Variants in CSTA observed in about 807,000 individuals in gnomAD.
CSTA encodes cystatin A.
CSTA carries 9 observed loss-of-function variants against 9.2 expected under a neutral mutation model. The ratio of observed to expected loss-of-function variants is 0.97; its 90% CI spans 0.59 to 1.70. The LOEUF (loss-of-function observed/expected upper bound fraction) is 1.70, where lower values mean the gene tolerates loss of function less well. CSTA is among the 40% of genes most tolerant of loss of function. The pLI, the probability that CSTA is intolerant of heterozygous loss-of-function variation, is 0.00. For missense variants in CSTA, 118 were observed against 113.1 expected, an observed-to-expected ratio of 1.04 and a Z score of -0.20; for synonymous variants, 36 against 40.6, an observed-to-expected ratio of 0.89 and a Z score of 0.43.
chr3:122,341,616 T>G lies in CSTA; in HGVS notation c.*49T>G. 6.2e-7 allele frequency: 1 copy of G among 1,605,640 alleles called. No homozygotes were observed. The highest frequency in any genetic ancestry group is 1.3e-5 in the African/African-American group (1 of 74,820). On this transcript the variant is annotated 3_prime_UTR_variant, in exon 3 of 3. Transcript: ENST00000264474. ...ATTCCTTCAACTGGCTACTGAGTCA[T>G]GATCCTTGCTGATAAATATAACCAT...
At chr3:122,330,707 C>G (rs1022866987) in intron 1 of CSTA, among the ~76,000 whole-genome samples, 1 of 152,162 alleles carries the variant, frequency 6.6e-6, no homozygotes, top group African/African-American at 2.4e-5. Flanking sequence ...GACAAGTTGT[C>G]AGGATGGAAA....
At chr3:122,338,054 T>C (rs1310654724) in intron 2 of CSTA, 1 of 160,896 alleles carries the variant, frequency 6.2e-6, no homozygotes, top group Non-Finnish European at 1.4e-5. Context: ...CTAAATTAAA[T>C]AAATTAAAGT....
intron 1 of CSTA, among the ~76,000 whole-genome samples, chr3:122,329,179 G>T (rs986141836): frequency 2.0e-5 from 3 of 151,692 alleles, no homozygotes; most frequent in African/African-American, 7.3e-5. Flanking sequence ...TGTTAGCCAG[G>T]ATGGTCTCGA....
Position 122,341,744 on chromosome 3 carries a change from G to T in CSTA, c.*177G>T. 1.3e-6 allele frequency: 1 copy of T among 753,082 alleles called. No homozygotes were observed. 46.6% of individuals were successfully genotyped at this position (753,082 alleles called of 1,614,324 possible). ...TTTCTTTCTCAAAATCAGTGTTATT[G>T]CTTTAGAGTATAAACTCCATATAAA... is the stretch of plus-strand genomic sequence containing the variant. On this transcript the variant is annotated 3_prime_UTR_variant, in exon 3 of 3. Transcript: ENST00000264474.
At chr3:122,325,977 G>A (rs191627016) in intron 1 of CSTA, among the ~76,000 whole-genome samples, 1 of 152,248 alleles carries the variant, frequency 6.6e-6, no homozygotes, top group African/African-American at 2.4e-5. Context: ...ACTCAATGTT[G>A]TTAGCAGATT....
intron 1 of CSTA, among the ~76,000 whole-genome samples, chr3:122,332,072 A>C (rs568225282): frequency 6.6e-6 from 1 of 152,214 alleles, no homozygotes; most frequent in African/African-American, 2.4e-5. Context: ...CATAATGCTC[A>C]CTGGCCCACT....
chr3:122,328,995 T>G (rs2075186679), intron 1 of CSTA, among the ~76,000 whole-genome samples: 4 of 150,366 alleles, frequency 2.7e-5, no homozygotes, highest in Non-Finnish European at 4.4e-5. Flanking sequence ...TGACGGAATC[T>G]CGCTCTGTCG....
chr3:122,341,571 C>G lies in CSTA; in HGVS notation c.*4C>G. ...TGACGAGCTGACGGGCTTTTAGCAG[C>G]ATGTACCCAAAGTGTTCTGATTCCT... On this transcript the variant is annotated 3_prime_UTR_variant, in exon 3 of 3. Coordinates refer to ENST00000264474, the MANE Select transcript of CSTA (RefSeq NM_005213.4). 1 of 1,614,116 alleles carries G rather than the reference C, an allele frequency of 6.2e-7. No individual in the cohort carries two copies. Among genetic ancestry groups the G allele is most frequent in the Non-Finnish European group, 8.5e-7 (1 of 1,179,988 alleles).
intron 1 of CSTA, among the ~76,000 whole-genome samples, chr3:122,329,778 A>T (rs1338611273): frequency 1.3e-5 from 2 of 152,346 alleles, no homozygotes; most frequent in Admixed American, 1.3e-4. Context: ...ACAATATCCA[A>T]TTAAGTGCTT....
chr3:122,340,265 C>T (rs1193747135), intron 2 of CSTA, among the ~76,000 whole-genome samples: 1 of 152,100 alleles, frequency 6.6e-6, no homozygotes, highest in Non-Finnish European at 1.5e-5. Flanking sequence ...CTGCTTCAAC[C>T]TTCCTACCAA....
intron 2 of CSTA, among the ~76,000 whole-genome samples, chr3:122,340,177 A>G (rs1373371725): frequency 6.6e-6 from 1 of 152,244 alleles, no homozygotes; most frequent in Non-Finnish European, 1.5e-5. Flanking sequence ...CAAAGCATTT[A>G]TTGTCTCCAG....
At chr3:122,330,451 A>G (rs924340732) in intron 1 of CSTA, among the ~76,000 whole-genome samples, 2 of 152,214 alleles carry the variant, frequency 1.3e-5, no homozygotes, top group African/African-American at 4.8e-5. Flanking sequence ...AAGGAATTTG[A>G]TATCACAGTG....
Position 122,325,283 on chromosome 3 carries a change from A to G in CSTA, c.-10A>G. On this transcript the variant is annotated 5_prime_UTR_variant, in exon 1 of 3. Transcript: ENST00000264474. The stretch of plus-strand genomic sequence containing the variant: ...CAGCATCCTGTCCAGCAAAGAAGCA[A>G]TCAGCCAAAATGATACCTGGAGGCT... 3 of 1,613,960 alleles carry G rather than the reference A, an allele frequency of 1.9e-6. No individual in the cohort carries two copies. Among genetic ancestry groups the G allele is most frequent in the South Asian group, 1.1e-5 (1 of 91,070 alleles).
At chr3:122,329,124 C>T (rs1370929679) in intron 1 of CSTA, among the ~76,000 whole-genome samples, 2 of 151,412 alleles carry the variant, frequency 1.3e-5, no homozygotes, top group South Asian at 2.1e-4. Flanking sequence ...CGCCACCATG[C>T]CTGGCTAATT....
rs2075267940 is a variant in CSTA at position 122,341,915 on chromosome 3, C to T, written c.*348C>T. ...CCTTGTTCCCTGTGGCTGCTGATAA[C>T]CCAACATTCCATCTCTACCCTCATA... On this transcript the variant is annotated 3_prime_UTR_variant, in exon 3 of 3. Transcript: ENST00000264474. The T allele has an allele frequency of 3.2e-6, 1 of 312,502 alleles. No individual in the cohort carries two copies. The highest frequency in any genetic ancestry group is 6.1e-6 in the Non-Finnish European group (1 of 163,500). The allele number at this position is 312,502 out of a possible 1,614,324, so 19.4% of individuals were successfully genotyped here. A position where few individuals can be genotyped will look rare whatever the true frequency, so the allele number is the denominator to read the frequency against.
Position 122,337,524 on chromosome 3 carries a change from G to A in CSTA, c.67-23G>A, listed in dbSNP as rs1478488635. On this transcript the variant is annotated intron_variant, in intron 1 of 2. Transcript: ENST00000264474. ...GAGTCTAATATAGCTTTGATTATTTGTTTCCTCTTTTCTTTTCTTTAGGTT... is the reference window on the plus strand; with the variant it reads ...GAGTCTAATATAGCTTTGATTATTTATTTCCTCTTTTCTTTTCTTTAGGTT... The A allele has an allele frequency of 2.6e-6, 4 of 1,514,934 alleles. No individual in the cohort carries two copies. The South Asian group carries it at 4.5e-5, about 17-fold the overall frequency. 93.8% of individuals were successfully genotyped at this position (1,514,934 alleles called of 1,614,324 possible).
Position 122,341,852 on chromosome 3 carries a change from T to C in CSTA, c.*285T>C, listed in dbSNP as rs1322922683. On this transcript the variant is annotated 3_prime_UTR_variant, in exon 3 of 3. Transcript: ENST00000264474. Reference sequence around the variant, plus strand: ...GATAGTACCACCCTCACCCCCACCATAGGCAGGCTGGATCGTGGACTATCA... The same window carrying C: ...GATAGTACCACCCTCACCCCCACCACAGGCAGGCTGGATCGTGGACTATCA... 5 of 388,362 alleles carry C rather than the reference T, an allele frequency of 1.3e-5. No homozygotes were observed. Among genetic ancestry groups the C allele is most frequent in the Non-Finnish European group, 2.4e-5 (5 of 206,824 alleles). The allele number at this position is 388,362 out of a possible 1,614,324, so 24.1% of individuals were successfully genotyped here.
chr3:122,335,190 A>G (rs1331806532), intron 1 of CSTA, among the ~76,000 whole-genome samples: 1 of 152,192 alleles, frequency 6.6e-6, no homozygotes, highest in Non-Finnish European at 1.5e-5. Flanking sequence ...GGGAATGCTG[A>G]CATTTAAACC....
At chr3:122,341,352 G>A (rs1438499822) in intron 2 of CSTA, 87 bp from the exon 3 acceptor site, 35 of 1,457,746 alleles carry the variant, frequency 2.4e-5, no homozygotes, top group Non-Finnish European at 3.2e-5. Flanking sequence ...TTGGACAGAA[G>A]TCTTTGTAGA....
Sources: allele counts gnomAD v4.1 joint callset (sites outside exome capture counted in the v4.1 genomes callset), GRCh38; gene constraint gnomAD v4.1.1; transcripts MANE v1.5; gene names NCBI Gene and HGNC (gene_info 2026-07-23, HGNC 2026-07-21).